Variants in DCHS2 observed in about 807,000 individuals in gnomAD.
The protein encoded by DCHS2 is protocadherin-23.
Under a neutral mutation model 182.4 loss-of-function variants are expected in DCHS2, and 142 were observed. The observed-to-expected ratio is 0.78, with a 90% confidence interval of 0.68 to 0.89. The LOEUF is 0.89. DCHS2 is among the 40% of genes least tolerant of loss of function. The probability of loss-of-function intolerance (pLI) is 0.00; values close to 1 mark genes in which losing one functional copy is unlikely to be tolerated. For missense variants in DCHS2, 4,319 were observed against 4,198.6 expected, an observed-to-expected ratio of 1.03 and a Z score of -0.79; for synonymous variants, 1,740 against 1,663.3, an observed-to-expected ratio of 1.05 and a Z score of -1.12.
In DCHS2 at chr4:154,491,298, C is replaced by G. The variant is rs943632699; in HGVS notation, c.58G>C (p.Gly20Arg). ...EGRQQRRAPVGKLLLLPGRRD... is the reference protein window; with the variant it reads ...EGRQQRRAPVRKLLLLPGRRD... ...CTCCCGGGGAGCAGAAGGAGCTTCC[C>G]GACCGGAGCCCGCCGCTGCTGACGC... is the stretch of plus-strand genomic sequence containing the variant. Residue 20 changes from glycine (G) to arginine (R), a missense_variant, in exon 1 of 20, where the codon GGG (glycine) becomes CGG (arginine). Coordinates refer to ENST00000357232, the MANE Select transcript of DCHS2 (RefSeq NM_001358235.2). 3.9e-6 allele frequency: 6 copies of G among 1,548,242 alleles called. No homozygotes were observed. The African/African-American group carries it at 4.1e-5, about 11-fold the overall frequency.
intron 1 of DCHS2, among the ~76,000 whole-genome samples, chr4:154,483,617 A>G (rs994072270): frequency 6.6e-6 from 1 of 152,166 alleles, no homozygotes; most frequent in African/African-American, 2.4e-5. Context: ...AGGAGAGAGA[A>G]ACAGGCAGAT....
intron 14 of DCHS2, among the ~76,000 whole-genome samples, chr4:154,266,845 T>C (rs1015354037): frequency 6.6e-6 from 1 of 152,192 alleles, no homozygotes; most frequent in African/African-American, 2.4e-5. Context: ...CATTGTTCGT[T>C]CTGCTTTAGT....
chr4:154,254,034 A>G (rs1013474987), intron 16 of DCHS2, among the ~76,000 whole-genome samples: 2 of 152,174 alleles, frequency 1.3e-5, no homozygotes, highest in Non-Finnish European at 2.9e-5. Flanking sequence ...TTGAACCTCA[A>G]ATTATCCTAT....
intron 1 of DCHS2, among the ~76,000 whole-genome samples, chr4:154,421,311 T>C (rs985832855): frequency 6.6e-6 from 1 of 152,182 alleles, no homozygotes; most frequent in Admixed American, 6.5e-5. Flanking sequence ...AAATACTTTA[T>C]TAAAGAATCA....
chr4:154,393,206 C>T (rs1359002581), intron 1 of DCHS2, among the ~76,000 whole-genome samples: 2 of 152,004 alleles, frequency 1.3e-5, no homozygotes, highest in African/African-American at 2.4e-5. Flanking sequence ...TGTTTTCAGC[C>T]CAGAAGAGAC....
rs1578858044 is a variant in DCHS2 at position 154,251,018 on chromosome 4, A to G, written c.6941+4501T>C. Among the ~76,000 whole-genome samples, 5 of 152,194 alleles carry G rather than the reference A, an allele frequency of 3.3e-5. No homozygotes were observed. The South Asian group carries it at 1.0e-3, about 31-fold the overall frequency. On this transcript the variant is annotated intron_variant, in intron 16 of 19. Transcript: ENST00000357232. ...TCACGTTCCCGTGCCTTTGGCCCCA[A>G]ATCCTTTTTATTCCCTTTTTCTCAG...
intron 3 of DCHS2, among the ~76,000 whole-genome samples, chr4:154,362,392 G>A (rs921715770): frequency 3.7e-4 from 56 of 152,250 alleles, no homozygotes; most frequent in African/African-American, 1.3e-3. Flanking sequence ...AGAGGCTGTA[G>A]GAAGGATTTA....
intron 13 of DCHS2, among the ~76,000 whole-genome samples, chr4:154,286,905 A>G (rs1734430219): frequency 6.6e-6 from 1 of 152,150 alleles, no homozygotes; most frequent in African/African-American, 2.4e-5. Context: ...GACTACCTCA[A>G]GGCATTTAAT....
intron 3 of DCHS2, among the ~76,000 whole-genome samples, chr4:154,349,699 C>T (rs1729519992): frequency 6.6e-6 from 1 of 152,114 alleles, no homozygotes; most frequent in Non-Finnish European, 1.5e-5. Flanking sequence ...AAATCACAGC[C>T]TTTATGGTAA....
At chr4:154,322,224 C>A in intron 8 of DCHS2, 107 bp downstream of exon 8, 4 of 1,413,602 alleles carry the variant, frequency 2.8e-6, no homozygotes, top group Non-Finnish European at 3.9e-6. Context: ...AACATACATA[C>A]ATATTCATAT....
intron 2 of DCHS2, among the ~76,000 whole-genome samples, chr4:154,373,077 T>G (rs1730718665): frequency 1.3e-5 from 2 of 152,190 alleles, no homozygotes; most frequent in Non-Finnish European, 2.9e-5. Flanking sequence ...GTTAAAGGAC[T>G]TCTGTCAAGG....
At chr4:154,366,627 G>T (rs1024685719) in intron 2 of DCHS2, among the ~76,000 whole-genome samples, 186 bp from the exon 3 acceptor site, 10 of 151,756 alleles carry the variant, frequency 6.6e-5, no homozygotes, top group African/African-American at 2.4e-4. Context: ...CATTTCAAAA[G>T]AGTGTGTATA....
At chr4:154,485,092 G>A (rs898930428) in intron 1 of DCHS2, among the ~76,000 whole-genome samples, 8 of 116,464 alleles carry the variant, frequency 6.9e-5, no homozygotes, top group Non-Finnish European at 1.1e-4. Context: ...ACATCCATGT[G>A]GTGTTATGAG....
intron 3 of DCHS2, among the ~76,000 whole-genome samples, chr4:154,362,238 A>C (rs1249344247): frequency 2.0e-5 from 3 of 152,210 alleles, no homozygotes; most frequent in Non-Finnish European, 4.4e-5. Flanking sequence ...GTGCCAGCAC[A>C]GGTAGGCTGG....
intron 13 of DCHS2, among the ~76,000 whole-genome samples, chr4:154,283,786 G>T (rs1734266375): frequency 6.6e-6 from 1 of 152,042 alleles, no homozygotes; most frequent in South Asian, 2.1e-4. Flanking sequence ...CTTGATTGTG[G>T]ACCTGGTGCT....
Position 154,237,095 on chromosome 4 carries a change from C to T in DCHS2, c.7557G>A (p.Val2519=), listed in dbSNP as rs1243782803. 3.7e-6 allele frequency: 6 copies of T among 1,613,446 alleles called. No individual in the cohort carries two copies. Among genetic ancestry groups the T allele is most frequent in the Non-Finnish European group, 5.1e-6 (6 of 1,179,872 alleles). ...LDTISTTQFL[V]EASDGGNPDL... ...CAGGATTTCCACCATCACTGGCTTC[C>T]ACAAGAAATTGAGTTGTTGATATTG... is the stretch of plus-strand genomic sequence containing the variant. Residue 2519 remains valine (V), a synonymous_variant, in exon 20 of 20, where the codon GTG becomes GTA. Coordinates refer to ENST00000357232, the MANE Select transcript of DCHS2 (RefSeq NM_001358235.2).
At chr4:154,459,179 G>T (rs921052850) in intron 1 of DCHS2, among the ~76,000 whole-genome samples, 4 of 152,078 alleles carry the variant, frequency 2.6e-5, no homozygotes, top group Non-Finnish European at 5.9e-5. Context: ...TTCAACATTA[G>T]ATTTGTCAGG....
chr4:154,259,523 C>A, intron 15 of DCHS2, 22 bp downstream of exon 15: 1 of 1,611,442 alleles, frequency 6.2e-7, no homozygotes, highest in Middle Eastern at 1.7e-4. Context: ...CACACACACA[C>A]ACACAAATAT....
Position 154,236,416 on chromosome 4 carries a change from C to G in DCHS2, c.8236G>C (p.Glu2746Gln). The change falls in exon 20 of 20, where the codon GAA (glutamate) becomes CAA (glutamine). Residue 2746 changes from glutamate to glutamine, a missense_variant. Coordinates refer to ENST00000357232, the MANE Select transcript of DCHS2 (RefSeq NM_001358235.2). ...ACTGCAAAAGAAAAATGTTTCTTTT[C>G]TGCATCTGAAGCTTGGACAGTTAAG... ...FTLTVQASDAEKKHFSFAVVF... is the reference protein window; with the variant it reads ...FTLTVQASDAQKKHFSFAVVF... 1 of 1,614,050 alleles carries G rather than the reference C, an allele frequency of 6.2e-7. No individual in the cohort carries two copies. The highest frequency in any genetic ancestry group is 1.1e-5 in the South Asian group (1 of 91,080).
Sources: allele counts gnomAD v4.1 joint callset (sites outside exome capture counted in the v4.1 genomes callset), GRCh38; gene constraint gnomAD v4.1.1; transcripts MANE v1.5; gene names NCBI Gene and HGNC (gene_info 2026-07-23, HGNC 2026-07-21).